RAB8A: variants seen among roughly 807,000 people sequenced by gnomAD.
The protein encoded by RAB8A is ras-related protein Rab-8A.
In RAB8A, 5 loss-of-function variants were observed where a neutral mutation model predicts 29.2. The ratio of observed to expected loss-of-function variants is 0.17; its 90% CI spans 0.09 to 0.36. The LOEUF is 0.36. Ranked by LOEUF, RAB8A falls within the 10% of genes least tolerant of loss-of-function variation. The pLI, the probability that RAB8A is intolerant of heterozygous loss-of-function variation, is 1.00. For synonymous variants in RAB8A, 108 were observed against 99.9 expected, an observed-to-expected ratio of 1.08 and a Z score of -0.49; for missense variants, 171 against 272.2, an observed-to-expected ratio of 0.63 and a Z score of 2.62.
chr19:16,127,451 C>A lies in RAB8A; in HGVS notation c.339C>A (p.Asp113Glu). 1 of 1,521,166 alleles carries A rather than the reference C, an allele frequency of 6.6e-7. No individual in the cohort carries two copies. Among genetic ancestry groups the A allele is most frequent in the Middle Eastern group, 1.8e-4 (1 of 5,676 alleles). The allele number at this position is 1,521,166 out of a possible 1,614,324, so 94.2% of individuals were successfully genotyped here. The change falls in exon 5 of 8, where the codon GAC becomes GAA. Residue 113 changes from aspartate to glutamate, a missense_variant. Physicochemically the swap from Asp to Glu is conservative, Grantham distance 45. This residue lies in a region of RAB8A where 145 missense variants were observed against 212.8 expected (regional missense o/e 0.68). Transcript: ENST00000300935. The surrounding 1 kb of genome is among the most constrained non-coding windows in gnomAD (Gnocchi z 4.8). ...CTCCCTCTCAGCACGCCTCTGCAGACGTCGAAAAGATGATACTCGGGAACA... is the reference window on the plus strand; with the variant it reads ...CTCCCTCTCAGCACGCCTCTGCAGAAGTCGAAAAGATGATACTCGGGAACA... ...IRNIEEHASA[D>E]VEKMILGNKC...
chr19:16,128,659 G>A (rs959214309), intron 6 of RAB8A, among the ~76,000 whole-genome samples: 4 of 152,188 alleles, frequency 2.6e-5, no homozygotes, highest in African/African-American at 9.7e-5. Context: ...TGCCTGGCGT[G>A]GAAGGCCCTC....
Position 16,129,984 on chromosome 19 carries a change from C to T in RAB8A, c.531+380C>T, listed in dbSNP as rs146080816. On this transcript the variant is annotated intron_variant, in intron 7 of 7. Transcript: ENST00000300935. ...GGCTGGTGTCTGATAACTGCTGGCT[C>T]ATCGTCTTGACAAGCATGGCAGATC... Among the ~76,000 whole-genome samples the T allele has an allele frequency of 1.8e-3, 280 of 152,290 alleles. 1 individual carries two copies. Among genetic ancestry groups the T allele is most frequent in the African/African-American group, 6.1e-3 (254 of 41,562 alleles).
intron 3 of RAB8A, chr19:16,124,750 GTC>G: frequency 7.9e-6 from 1 of 126,444 alleles, no homozygotes; most frequent in Admixed American, 1.1e-4. Flanking sequence ...TAAAGGTCAC[GTC>G]TCTGTGCCTC....
intron 1 of RAB8A, chr19:16,112,305 C>G: frequency 4.5e-6 from 2 of 448,672 alleles, no homozygotes; most frequent in East Asian, 8.7e-5. Flanking sequence ...TCTTCGCGCC[C>G]GTCCTCTCGA....
In RAB8A at chr19:16,125,918, C is replaced by G. The variant is rs954280244; in HGVS notation, c.324+371C>G. On this transcript the variant is annotated intron_variant, in intron 4 of 7. Coordinates refer to ENST00000300935, the MANE Select transcript of RAB8A (RefSeq NM_005370.5). This position sits in a 1 kb window ranked among gnomAD's most constrained non-coding sequence, Gnocchi z 5.0. ...GTAGTTGGAGGGTGTGGTGAGCAGG[C>G]GTCAGTTGTACTTTGAGCTATATCG... is the stretch of plus-strand genomic sequence containing the variant. The G allele has an allele frequency of 2.6e-6, 1 of 378,346 alleles. No individual in the cohort carries two copies. The highest frequency in any genetic ancestry group is 3.6e-5 in the Admixed American group (1 of 27,434). 23.4% of individuals were successfully genotyped at this position (378,346 alleles called of 1,614,324 possible).
intron 6 of RAB8A, among the ~76,000 whole-genome samples, chr19:16,128,548 T>G (rs553883007): frequency 3.2e-4 from 48 of 152,270 alleles, no homozygotes; most frequent in African/African-American, 1.2e-3. Context: ...CGGCCGATCC[T>G]GTGATGTTTC....
chr19:16,123,329 C>G (rs958270479), intron 3 of RAB8A, among the ~76,000 whole-genome samples: 1 of 152,220 alleles, frequency 6.6e-6, no homozygotes. Context: ...AAAATCCAGC[C>G]AGGCGCAGTG....
chr19:16,118,399 C>A, intron 2 of RAB8A, 113 bp downstream of exon 2: 1 of 945,694 alleles, frequency 1.1e-6, no homozygotes, highest in Non-Finnish European at 1.6e-6. Flanking sequence ...TTCTTGGTGC[C>A]CAGTCCTGGC....
Position 16,125,914 on chromosome 19 carries a change from C to G in RAB8A, c.324+367C>G. On this transcript the variant is annotated intron_variant, in intron 4 of 7. Transcript: ENST00000300935. This position sits in a 1 kb window ranked among gnomAD's most constrained non-coding sequence, Gnocchi z 5.0. Reference sequence around the variant, plus strand: ...CCTTGTAGTTGGAGGGTGTGGTGAGCAGGCGTCAGTTGTACTTTGAGCTAT... The same window carrying G: ...CCTTGTAGTTGGAGGGTGTGGTGAGGAGGCGTCAGTTGTACTTTGAGCTAT... 17 of 384,692 alleles carry G rather than the reference C, an allele frequency of 4.4e-5. 1 individual carries two copies. Among genetic ancestry groups the G allele is most frequent in the South Asian group, 3.7e-4 (17 of 46,458 alleles). The allele number at this position is 384,692 out of a possible 1,614,324, so 23.8% of individuals were successfully genotyped here.
chr19:16,129,374 G>A (rs1162021951), intron 6 of RAB8A, among the ~76,000 whole-genome samples, 180 bp from the exon 7 acceptor site: 2 of 152,182 alleles, frequency 1.3e-5, no homozygotes, highest in African/African-American at 2.4e-5. Flanking sequence ...GGCAGAGGGA[G>A]CCGGGGAAGG....
At chr19:16,129,532 T>C in intron 6 of RAB8A, 22 bp from the exon 7 acceptor site, 1 of 1,613,624 alleles carries the variant, frequency 6.2e-7, no homozygotes, top group Non-Finnish European at 8.5e-7. Flanking sequence ...TCCCAAGGAC[T>C]CACAATGTGC....
At chr19:16,129,768 C>T (rs1599399845) in intron 7 of RAB8A, among the ~76,000 whole-genome samples, 164 bp downstream of exon 7, 1 of 152,134 alleles carries the variant, frequency 6.6e-6, no homozygotes, top group South Asian at 2.1e-4. Context: ...GTGGCTGGGG[C>T]ATCAGCATCA....
chr19:16,128,122 G>A (rs1344774709), intron 6 of RAB8A, 31 bp downstream of exon 6: 3 of 1,608,838 alleles, frequency 1.9e-6, no homozygotes, highest in Admixed American at 3.3e-5. Context: ...GGAGACATGG[G>A]GCCTGCAGGA....
intron 6 of RAB8A, 122 bp downstream of exon 6, chr19:16,128,213 C>A: frequency 9.9e-7 from 1 of 1,010,126 alleles, no homozygotes; most frequent in Non-Finnish European, 1.5e-6. Context: ...CTCAGGGCTG[C>A]CAGTCAGTCC....
intron 1 of RAB8A, among the ~76,000 whole-genome samples, chr19:16,113,116 G>A (rs1194773059): frequency 6.6e-6 from 1 of 152,200 alleles, no homozygotes; most frequent in Non-Finnish European, 1.5e-5. Context: ...CAGAAGTGGA[G>A]CTGACCTCTC....
intron 7 of RAB8A, 51 bp downstream of exon 7, chr19:16,129,655 A>G (rs777691697): frequency 1.7e-5 from 26 of 1,574,602 alleles, no homozygotes; most frequent in Middle Eastern, 1.7e-4. Context: ...GGATCCAGCC[A>G]TCGTCGTTAG....
chr19:16,115,149 G>T (rs903579265), intron 1 of RAB8A, among the ~76,000 whole-genome samples: 1 of 151,112 alleles, frequency 6.6e-6, no homozygotes, highest in Non-Finnish European at 1.5e-5. Flanking sequence ...TTAGCCATAC[G>T]TGGTGGCGCT....
At chr19:16,112,242 G>A in intron 1 of RAB8A, 1 of 609,086 alleles carries the variant, frequency 1.6e-6, no homozygotes, top group Non-Finnish European at 2.8e-6. Context: ...TAGGGAGACT[G>A]AGGCTCCGAC....
chr19:16,112,954 G>A (rs2090830847), intron 1 of RAB8A, among the ~76,000 whole-genome samples: 1 of 152,206 alleles, frequency 6.6e-6, no homozygotes, highest in Non-Finnish European at 1.5e-5. Flanking sequence ...GCCTCAGCGA[G>A]AAACTAAATC....
Sources: gnomAD v4.1 joint callset for allele counts (sites outside exome capture counted in the v4.1 genomes callset) on GRCh38, gnomAD v4.1.1 for gene constraint, gnomAD v4.1.1 regional missense constraint, Gnocchi (gnomAD v3.1) non-coding constraint, MANE v1.5 for transcripts, NCBI Gene and HGNC (gene_info 2026-07-23, HGNC 2026-07-21) for gene names.